ANXA8: variants seen among roughly 807,000 people sequenced by gnomAD.
The protein encoded by ANXA8 is annexin A8.
Under a neutral mutation model 26.8 loss-of-function variants are expected in ANXA8, and 9 were observed. That is an observed-to-expected ratio of 0.34 (90% CI 0.20 to 0.59). The LOEUF is 0.59. ANXA8 is among the 20% of genes least tolerant of loss of function. ANXA8 has a pLI of 0.84. For missense variants in ANXA8, 83 were observed against 238.5 expected (o/e 0.35, Z 4.29); for synonymous variants, 39 against 94.8 (o/e 0.41, Z 3.42).
rs1172695218 is a variant in ANXA8, at chr10:47,484,079, G to T, written c.-146C>A. ...GGGGTGCAAGCCCGCCCAGGGCAGCGCCACACCTGCCTGCCGTCCCCTCGC... is the reference window on the plus strand; with the variant it reads ...GGGGTGCAAGCCCGCCCAGGGCAGCTCCACACCTGCCTGCCGTCCCCTCGC... On this transcript the variant is annotated 5_prime_UTR_variant, in exon 1 of 12. Transcript: ENST00000585281. 39 of 1,597,638 alleles carry T rather than the reference G, an allele frequency of 2.4e-5. No individual in the cohort carries two copies. Among genetic ancestry groups the T allele is most frequent in the African/African-American group, 4.0e-5 (3 of 74,216 alleles).
At chr10:47,733,983 C>G in the ANXA8 span, among the ~76,000 whole-genome samples, 1,740 of 149,536 alleles carry the variant, frequency 0.012, no homozygotes, top group African/African-American at 0.043. Context: ...ACTTACCAGG[C>G]AGGGTTCAGC....
At chr10:47,741,014 G>A in the ANXA8 span, among the ~76,000 whole-genome samples, 16 of 151,282 alleles carry the variant, frequency 1.1e-4, no homozygotes, top group Admixed American at 2.0e-4. Flanking sequence ...CAACATTTGA[G>A]ATGTCAGTCA....
chr10:47,577,474 G>T, the ANXA8 span, among the ~76,000 whole-genome samples: 1 of 148,390 alleles, frequency 6.7e-6, no homozygotes, highest in African/African-American at 2.5e-5. Context: ...TTTAAGACTA[G>T]CCTGGACAAC....
At chr10:47,976,595 A>C in the ANXA8 span, among the ~76,000 whole-genome samples, 1,734 of 147,234 alleles carry the variant, frequency 0.012, 23 homozygotes, top group Non-Finnish European at 0.02. Flanking sequence ...CACAACCATG[A>C]CAGCTGTGAA....
upstream of ANXA8, among the ~76,000 whole-genome samples, chr10:47,488,829 G>A (rs1225531634): frequency 4.1e-3 from 511 of 125,096 alleles, 6 homozygotes; most frequent in Non-Finnish European, 6.2e-3. Flanking sequence ...CCAGGTTCAC[G>A]CCATTCTCCT....
At chr10:47,918,356 G>GGAGAGAGAGAGAGA in the ANXA8 span, among the ~76,000 whole-genome samples, 3 of 17,744 alleles carry the variant, frequency 1.7e-4, no homozygotes, top group African/African-American at 1.0e-3. Context: ...GGGGAGGGAG[G>GGAGAGAGAGAGAGA]GAGAGAGAGA....
the ANXA8 span, among the ~76,000 whole-genome samples, chr10:47,743,351 TATAC>T: frequency 1.3e-3 from 90 of 68,274 alleles, 1 homozygote; most frequent in Admixed American, 4.0e-3. Flanking sequence ...CATATATATA[TATAC>T]ACATATATAT....
At chr10:47,693,424 G>A in the ANXA8 span, among the ~76,000 whole-genome samples, 23 of 151,570 alleles carry the variant, frequency 1.5e-4, no homozygotes, top group African/African-American at 5.6e-4. Flanking sequence ...CGAATAGCTG[G>A]GACTACAGGC....
At chr10:47,946,388 C>G in the ANXA8 span, among the ~76,000 whole-genome samples, 1 of 150,698 alleles carries the variant, frequency 6.6e-6, no homozygotes, top group African/African-American at 2.5e-5. Context: ...GAGGTTTAAT[C>G]TCTGAGGTCA....
At chr10:47,918,375 G>A in the ANXA8 span, among the ~76,000 whole-genome samples, 328 of 14,346 alleles carry the variant, frequency 0.023, 3 homozygotes, top group African/African-American at 0.12. Context: ...GAGAGAGAGA[G>A]AGAGAGAGAG....
At chr10:47,766,103 A>T in the ANXA8 span, among the ~76,000 whole-genome samples, 1 of 144,226 alleles carries the variant, frequency 6.9e-6, no homozygotes, top group African/African-American at 2.6e-5. Flanking sequence ...GAGGGCCTCC[A>T]TGAAGGCAGG....
At chr10:47,595,274 T>C in the ANXA8 span, among the ~76,000 whole-genome samples, 1 of 147,868 alleles carries the variant, frequency 6.8e-6, no homozygotes, top group Non-Finnish European at 1.5e-5. Context: ...GAGTTCTAAA[T>C]GTGGACATGA....
At chr10:47,944,584 G>C in the ANXA8 span, among the ~76,000 whole-genome samples, 1 of 150,584 alleles carries the variant, frequency 6.6e-6, no homozygotes, top group Non-Finnish European at 1.5e-5. Context: ...TTGTATCATG[G>C]GGGCAGGTCT....
At chr10:47,902,744 TTAACA>T in the ANXA8 span, among the ~76,000 whole-genome samples, 8 of 112,156 alleles carry the variant, frequency 7.1e-5, no homozygotes, top group Non-Finnish European at 1.1e-4. Flanking sequence ...TTACAATAAC[TTAACA>T]TAATAACTAT....
chr10:47,772,100 T>G, the ANXA8 span, among the ~76,000 whole-genome samples: 113 of 151,706 alleles, frequency 7.4e-4, 1 homozygote, highest in South Asian at 0.011. Flanking sequence ...CATTCTTTAC[T>G]ATCAAATCAG....
chr10:47,515,923 G>C, the ANXA8 span, among the ~76,000 whole-genome samples: 1 of 118,352 alleles, frequency 8.4e-6, no homozygotes, highest in South Asian at 2.9e-4. Flanking sequence ...ACATTGGAGG[G>C]AAGCCTCCAA....
At chr10:47,696,272 G>A in the ANXA8 span, 3 of 405,298 alleles carry the variant, frequency 7.4e-6, no homozygotes, top group South Asian at 1.2e-4. Context: ...CCTTAGGCAG[G>A]TTATTTAACC....
At chr10:47,745,911 G>A in the ANXA8 span, among the ~76,000 whole-genome samples, 1 of 151,118 alleles carries the variant, frequency 6.6e-6, no homozygotes, top group African/African-American at 2.4e-5. Flanking sequence ...AACATAAGGA[G>A]AGACACAGAT....
chr10:47,483,631 G>T, intron 1 of ANXA8, among the ~76,000 whole-genome samples: 1 of 143,868 alleles, frequency 7.0e-6, no homozygotes. Context: ...CCCTGCAAGG[G>T]TCCCTCCCCT....
Sources: gnomAD v4.1 joint callset for allele counts (sites outside exome capture counted in the v4.1 genomes callset) on GRCh38, gnomAD v4.1.1 for gene constraint, MANE v1.5 for transcripts, NCBI Gene and HGNC (gene_info 2026-07-23, HGNC 2026-07-21) for gene names.